PARN: variants seen among roughly 807,000 people sequenced by gnomAD.
PARN encodes the protein poly(A)-specific ribonuclease.
In PARN, 71 loss-of-function variants were observed where a neutral mutation model predicts 102.8. The ratio of observed to expected loss-of-function variants is 0.69; its 90% CI spans 0.57 to 0.84. The LOEUF is 0.84. Among genes scored for constraint, PARN ranks in the 40% least tolerant of loss-of-function variants. PARN has a pLI of 0.00. For missense variants in PARN, 782 were observed against 760.9 expected, an observed-to-expected ratio of 1.03 and a Z score of -0.33; for synonymous variants, 261 against 252.9, an observed-to-expected ratio of 1.03 and a Z score of -0.30.
chr16:14,529,243 A>G (rs1234983199), intron 21 of PARN, among the ~76,000 whole-genome samples: 6 of 152,230 alleles, frequency 3.9e-5, no homozygotes, highest in Non-Finnish European at 8.8e-5. Flanking sequence ...CTTAGCATGA[A>G]TAAGCATTTC....
intron 22 of PARN, among the ~76,000 whole-genome samples, chr16:14,448,735 C>A (rs1024463656): frequency 6.6e-6 from 1 of 152,240 alleles, no homozygotes; most frequent in African/African-American, 2.4e-5. Context: ...GAGAAGAACA[C>A]ACTGCCTTCC....
intron 21 of PARN, among the ~76,000 whole-genome samples, chr16:14,540,945 C>T (rs1017073617): frequency 5.3e-5 from 8 of 151,806 alleles, no homozygotes; most frequent in African/African-American, 7.3e-5. Context: ...GACAAGACTC[C>T]GTCTTGAAAA....
At chr16:14,556,274 TC>T (rs1309887253) in intron 18 of PARN, among the ~76,000 whole-genome samples, 1 of 152,130 alleles carries the variant, frequency 6.6e-6, no homozygotes, top group African/African-American at 2.4e-5. Flanking sequence ...TTCACCCGCC[TC>T]AGCCTCCCGA....
At chr16:14,471,333 T>C (rs1329888605) in intron 22 of PARN, among the ~76,000 whole-genome samples, 1 of 152,212 alleles carries the variant, frequency 6.6e-6, no homozygotes, top group East Asian at 1.9e-4. Flanking sequence ...AACTCAAATG[T>C]GATAACTCAT....
intron 21 of PARN, among the ~76,000 whole-genome samples, chr16:14,536,643 A>C (rs1277511707): frequency 6.6e-6 from 1 of 152,206 alleles, no homozygotes; most frequent in Non-Finnish European, 1.5e-5. Context: ...TTAATCTGCA[A>C]TTATCTTTGT....
intron 5 of PARN, among the ~76,000 whole-genome samples, chr16:14,625,037 T>C (rs1338108919): frequency 2.0e-5 from 3 of 151,508 alleles, no homozygotes; most frequent in Non-Finnish European, 4.4e-5. Context: ...CAAAGTGCCA[T>C]CCCCAAGGTG....
At chr16:14,456,635 C>T (rs1276156329) in intron 22 of PARN, among the ~76,000 whole-genome samples, 1 of 152,158 alleles carries the variant, frequency 6.6e-6, no homozygotes, top group Non-Finnish European at 1.5e-5. Context: ...CACATGTACA[C>T]TCCCATTTTG....
At chr16:14,437,736 G>A (rs1033710907) in intron 23 of PARN, among the ~76,000 whole-genome samples, 8 of 152,168 alleles carry the variant, frequency 5.3e-5, no homozygotes, top group Non-Finnish European at 1.0e-4. Context: ...CTAACACCAA[G>A]ATTTTAGAAA....
At chr16:14,592,824 G>C (rs1485139110) in intron 13 of PARN, among the ~76,000 whole-genome samples, 2 of 152,190 alleles carry the variant, frequency 1.3e-5, no homozygotes, top group Non-Finnish European at 2.9e-5. Context: ...GGCAATGGCA[G>C]TGACTGAAGA....
At chr16:14,487,471 C>T (rs549940947) in intron 21 of PARN, among the ~76,000 whole-genome samples, 21 of 152,240 alleles carry the variant, frequency 1.4e-4, no homozygotes, top group African/African-American at 5.1e-4. Flanking sequence ...TAAGTTGATG[C>T]ATTATGTTTA....
chr16:14,520,249 C>A (rs1431874683), intron 21 of PARN, among the ~76,000 whole-genome samples: 1 of 152,120 alleles, frequency 6.6e-6, no homozygotes, highest in East Asian at 1.9e-4. Context: ...TTAAGAGACA[C>A]CACAGACATT....
intron 21 of PARN, among the ~76,000 whole-genome samples, chr16:14,487,482 T>C (rs1441014888): frequency 6.6e-6 from 1 of 152,224 alleles, no homozygotes; most frequent in African/African-American, 2.4e-5. Flanking sequence ...ATTATGTTTA[T>C]GAAGAGGAAG....
intron 21 of PARN, among the ~76,000 whole-genome samples, chr16:14,509,192 G>A (rs1965059563): frequency 6.6e-6 from 1 of 152,090 alleles, no homozygotes; most frequent in Non-Finnish European, 1.5e-5. Context: ...TTGAGAAGTT[G>A]CCTAAGAAAA....
intron 23 of PARN, among the ~76,000 whole-genome samples, chr16:14,445,752 C>A (rs182030172): frequency 6.6e-6 from 1 of 152,286 alleles, no homozygotes; most frequent in East Asian, 1.9e-4. Context: ...TTAGTAGAGA[C>A]GTGGTTTTGC....
At chr16:14,578,024 T>G (rs1969255372) in intron 18 of PARN, among the ~76,000 whole-genome samples, 1 of 151,946 alleles carries the variant, frequency 6.6e-6, no homozygotes. Context: ...ACCAAGTTAT[T>G]CCAATAAATA....
At chr16:14,553,529 T>C (rs1022137286) in intron 20 of PARN, among the ~76,000 whole-genome samples, 5 of 152,200 alleles carry the variant, frequency 3.3e-5, no homozygotes, top group Admixed American at 2.0e-4. Context: ...TTTGTTAAAA[T>C]AAGAGGCATT....
chr16:14,579,311 G>A (rs1345230637), intron 18 of PARN, among the ~76,000 whole-genome samples: 1 of 152,190 alleles, frequency 6.6e-6, no homozygotes, highest in African/African-American at 2.4e-5. Context: ...TGCTCTGCAT[G>A]TTGGTCACAT....
At chr16:14,594,361 A>G (rs528861322) in intron 12 of PARN, among the ~76,000 whole-genome samples, 2 of 152,186 alleles carry the variant, frequency 1.3e-5, no homozygotes, top group African/African-American at 4.8e-5. Flanking sequence ...ATAAAAATTA[A>G]ATTTCCAAAA....
chr16:14,612,023 T>C (rs1337577324), intron 6 of PARN, among the ~76,000 whole-genome samples: 1 of 152,182 alleles, frequency 6.6e-6, no homozygotes, highest in African/African-American at 2.4e-5. Context: ...AGCAGTGGGC[T>C]CTTGTTTGTA....
Sources: allele counts gnomAD v4.1 joint callset (sites outside exome capture counted in the v4.1 genomes callset), GRCh38; gene constraint gnomAD v4.1.1; transcripts MANE v1.5; gene names NCBI Gene and HGNC (gene_info 2026-07-23, HGNC 2026-07-21).